The following TMOD3 variants were observed in gnomAD, a reference collection of about 807,000 sequenced individuals.
TMOD3 encodes tropomodulin-3.
TMOD3 carries 20 observed loss-of-function variants against 39.2 expected under a neutral mutation model. The ratio of observed to expected loss-of-function variants is 0.51; its 90% CI spans 0.36 to 0.74. The LOEUF is 0.74. Among genes scored for constraint, TMOD3 ranks in the 30% least tolerant of loss-of-function variants. The pLI, the probability that TMOD3 is intolerant of heterozygous loss-of-function variation, is 0.00. For synonymous variants in TMOD3, 143 were observed against 145.8 expected (o/e 0.98, Z 0.14); for missense variants, 381 against 412.8 (o/e 0.92, Z 0.67).
At chr15:51,902,946 CGGCCA>C (rs1566868660) in intron 9 of TMOD3, among the ~76,000 whole-genome samples, 1 of 147,648 alleles carries the variant, frequency 6.8e-6, no homozygotes, top group Non-Finnish European at 1.5e-5. Context: ...CCACCGCGCC[CGGCCA>C]ATTTTTGTAT....
chr15:51,874,231 C>T (rs2056490142), intron 3 of TMOD3, among the ~76,000 whole-genome samples: 1 of 152,018 alleles, frequency 6.6e-6, no homozygotes, highest in Non-Finnish European at 1.5e-5. Context: ...ACTGAGGACA[C>T]TTAAGAGTTA....
rs68117829 is a variant in TMOD3, at chr15:51,879,856, TCACACA to T, written c.284-7705_284-7700del. On this transcript the variant is annotated intron_variant, in intron 3 of 9. Coordinates refer to ENST00000308580, the MANE Select transcript of TMOD3 (RefSeq NM_014547.5). The stretch of plus-strand genomic sequence containing the variant: ...CAATCTCTTTCTCTCTCTCTGTCTT[TCACACA>T]CACACACACACACACACACACACAC... Among the ~76,000 whole-genome samples, 1,122 of 142,648 alleles carry T rather than the reference TCACACA, an allele frequency of 7.9e-3. 22 individuals carry two copies. The highest frequency in any genetic ancestry group is 0.027 in the African/African-American group (1,030 of 38,298). 93.6% of individuals were successfully genotyped at this position (142,648 alleles called of 152,430 possible).
chr15:51,891,463 T>C (rs1185206327), intron 5 of TMOD3, among the ~76,000 whole-genome samples: 1 of 152,152 alleles, frequency 6.6e-6, no homozygotes, highest in Non-Finnish European at 1.5e-5. Flanking sequence ...GACTGAATCA[T>C]ATTAAGAAGC....
chr15:51,853,338 C>T (rs759384576), intron 1 of TMOD3, among the ~76,000 whole-genome samples: 6 of 152,082 alleles, frequency 3.9e-5, no homozygotes, highest in Non-Finnish European at 7.4e-5. Flanking sequence ...CTAGCTGGGC[C>T]TACAGACGTG....
At chr15:51,895,363 G>A (rs2056615357) in intron 6 of TMOD3, among the ~76,000 whole-genome samples, 1 of 151,838 alleles carries the variant, frequency 6.6e-6, no homozygotes, top group Non-Finnish European at 1.5e-5. Context: ...GGGATTACAG[G>A]CATCCACCAC....
chr15:51,873,966 G>A (rs1358406516), intron 3 of TMOD3, among the ~76,000 whole-genome samples: 3 of 152,052 alleles, frequency 2.0e-5, no homozygotes, highest in African/African-American at 4.8e-5. Flanking sequence ...ACCACTAAAA[G>A]GATTACTTAC....
In TMOD3 at chr15:51,893,907, G is replaced by T. The variant is rs765284092; in HGVS notation, c.589G>T (p.Asp197Tyr). 1 of 1,607,662 alleles carries T rather than the reference G, an allele frequency of 6.2e-7. No homozygotes were observed. Among genetic ancestry groups the T allele is most frequent in the Admixed American group, 1.7e-5 (1 of 59,420 alleles). The change falls in exon 6 of 10, where the codon GAT becomes TAT. Residue 197 changes from aspartate to tyrosine, a missense_variant. By Grantham distance (160) the Asp-to-Tyr change is radical. Transcript: ENST00000308580. Reference protein sequence around the residue: ...EESLKRTKENDAHLVEVNLNN... With the variant: ...EESLKRTKENYAHLVEVNLNN... ...GAGTTTGAAGAGAACTAAAGAAAAC[G>T]ATGCTCATCTTGTTGAAGTTAATTT...
intron 2 of TMOD3, among the ~76,000 whole-genome samples, chr15:51,864,829 G>A (rs1476562844): frequency 1.3e-5 from 2 of 152,158 alleles, no homozygotes; most frequent in Non-Finnish European, 1.5e-5. Flanking sequence ...AGATAAAAAA[G>A]AGGTGGTTAG....
At chr15:51,894,123 A>G (rs2056609278) in intron 6 of TMOD3, among the ~76,000 whole-genome samples, 178 bp downstream of exon 6, 1 of 152,196 alleles carries the variant, frequency 6.6e-6, no homozygotes, top group Non-Finnish European at 1.5e-5. Context: ...ATGGTATAGT[A>G]TTTTCTAACT....
intron 1 of TMOD3, among the ~76,000 whole-genome samples, chr15:51,856,544 A>AGAC (rs2056388558): frequency 6.6e-6 from 1 of 152,182 alleles, no homozygotes; most frequent in Non-Finnish European, 1.5e-5. Context: ...AAACTTGATA[A>AGAC]GACTTGAAAA....
At chr15:51,893,642 G>A (rs2056605962) in intron 5 of TMOD3, among the ~76,000 whole-genome samples, 173 bp from the exon 6 acceptor site, 1 of 152,110 alleles carries the variant, frequency 6.6e-6, no homozygotes, top group Non-Finnish European at 1.5e-5. Context: ...GCAGGCACCT[G>A]TAGTCCCAGC....
chr15:51,868,331 A>T (rs2056457776), intron 2 of TMOD3, among the ~76,000 whole-genome samples: 1 of 152,154 alleles, frequency 6.6e-6, no homozygotes, highest in Non-Finnish European at 1.5e-5. Flanking sequence ...AAGTTCAGGG[A>T]TACCTGTGCA....
chr15:51,915,373 CTTTT>C lies in TMOD3; in HGVS notation c.*6567_*6570del, dbSNP rs113529903. On this transcript the variant is annotated 3_prime_UTR_variant, in exon 10 of 10. Coordinates refer to ENST00000308580, the MANE Select transcript of TMOD3 (RefSeq NM_014547.5). ...TAAAAATTTTTGTAATTTCAAATGT[CTTTT>C]TTTCAGTTTTTTGGATGAATTATTA... The C allele has an allele frequency of 2.0e-5, 3 of 151,784 alleles. No individual in the cohort carries two copies. The highest frequency in any genetic ancestry group is 7.2e-5 in the African/African-American group (3 of 41,400). The allele number at this position is 151,784 out of a possible 1,614,324, so 9.4% of individuals were successfully genotyped here.
At chr15:51,895,938 A>G (rs2056618583) in intron 6 of TMOD3, among the ~76,000 whole-genome samples, 1 of 152,104 alleles carries the variant, frequency 6.6e-6, no homozygotes, top group South Asian at 2.1e-4. Context: ...ATGAAACCCC[A>G]TCTCTCCTAA....
At position 51,913,001 on chromosome 15, in the gene TMOD3, TCTCA is replaced by T. The variant is rs1566871716; in HGVS notation, c.*4195_*4198del. ...TTTTATATTCTTTTTTGAGACCAAGTCTCACTCTGTCATCCAGGCTGGAGTGCAG... is the reference window on the plus strand; with the variant it reads ...TTTTATATTCTTTTTTGAGACCAAGTCTCTGTCATCCAGGCTGGAGTGCAG... On this transcript the variant is annotated 3_prime_UTR_variant, in exon 10 of 10. Transcript: ENST00000308580. 1.3e-5 allele frequency: 2 copies of T among 152,202 alleles called. No individual in the cohort carries two copies. Among genetic ancestry groups the T allele is most frequent in the African/African-American group, 4.8e-5 (2 of 41,444 alleles). 9.4% of individuals were successfully genotyped at this position (152,202 alleles called of 1,614,324 possible).
chr15:51,893,970 T>G, intron 6 of TMOD3, 25 bp downstream of exon 6: 1 of 1,523,306 alleles, frequency 6.6e-7, no homozygotes, highest in South Asian at 1.3e-5. Context: ...CAGAGTGGTT[T>G]TGTATTGCTT....
chr15:51,859,339 G>T (rs1345975456), intron 1 of TMOD3: 1 of 712,974 alleles, frequency 1.4e-6, no homozygotes, highest in East Asian at 2.9e-5. Context: ...TCCACCCAAA[G>T]ATCAGAATCT....
At chr15:51,885,817 C>T (rs1047844283) in intron 3 of TMOD3, among the ~76,000 whole-genome samples, 19 of 152,224 alleles carry the variant, frequency 1.2e-4, no homozygotes, top group African/African-American at 2.4e-4. Flanking sequence ...ACCTCCCAGA[C>T]GGGGTGGCGG....
Position 51,893,177 on chromosome 15 carries a change from C to T in TMOD3, c.497-638C>T, listed in dbSNP as rs138616559. ...AGGCATGGTGACACACGCCTGTATT[C>T]CCAGCTACTTGGGAGGCTGAGGCAG... is the stretch of plus-strand genomic sequence containing the variant. On this transcript the variant is annotated intron_variant, in intron 5 of 9. Transcript: ENST00000308580. 2.4e-3 allele frequency among the ~76,000 whole-genome samples: 369 copies of T among 151,078 alleles called. 1 individual carries two copies. The highest frequency in any genetic ancestry group is 6.8e-3 in the Middle Eastern group (2 of 294).
Sources: gnomAD v4.1 joint callset for allele counts (sites outside exome capture counted in the v4.1 genomes callset) on GRCh38, gnomAD v4.1.1 for gene constraint, MANE v1.5 for transcripts, NCBI Gene and HGNC (gene_info 2026-07-23, HGNC 2026-07-21) for gene names.